The following PPP2R1A variants were observed in gnomAD, a reference collection of about 807,000 sequenced individuals.
The protein encoded by PPP2R1A is protein phosphatase 2 scaffold subunit Aalpha.
PPP2R1A carries 15 observed loss-of-function variants against 67.1 expected under a neutral mutation model. The observed-to-expected ratio is 0.22, with a 90% CI of 0.15 to 0.34. The LOEUF (loss-of-function observed/expected upper bound fraction) is 0.34, where lower values mean the gene tolerates loss of function less well. Ranked by LOEUF, PPP2R1A falls within the 10% of genes least tolerant of loss-of-function variation. The probability of loss-of-function intolerance (pLI) is 1.00; values close to 1 mark genes in which losing one functional copy is unlikely to be tolerated. For synonymous variants in PPP2R1A, 337 were observed against 325.0 expected (o/e 1.04, Z -0.40); for missense variants, 369 against 775.0 (o/e 0.48, Z 6.22).
In PPP2R1A at chr19:52,225,827, G is replaced by A. The variant is rs549622974; in HGVS notation, c.1753+19G>A. The A allele has an allele frequency of 4.3e-6, 7 of 1,612,896 alleles. No individual in the cohort carries two copies. Among genetic ancestry groups the A allele is most frequent in the East Asian group, 2.2e-5 (1 of 44,868 alleles). On this transcript the variant is annotated intron_variant, in intron 14 of 14. Transcript: ENST00000322088. ...CTGACTGGTAAGACCTAGAAAGCAC[G>A]GAGCCCTAGCAGGAGGGTGGACTTT...
chr19:52,211,313 A>G lies in PPP2R1A; in HGVS notation c.324A>G (p.Ala108=), dbSNP rs2089667586. 6.8e-6 allele frequency: 11 copies of G among 1,613,562 alleles called. No homozygotes were observed. The highest frequency in any genetic ancestry group is 9.3e-6 in the Non-Finnish European group (11 of 1,179,938). Residue 108 remains alanine (A), a synonymous_variant, in exon 4 of 15, where the codon GCA becomes GCG. Transcript: ENST00000322088. This position sits in a 1 kb window ranked among gnomAD's most constrained non-coding sequence, Gnocchi z 5.3. ...TVEETVVRDK[A]VESLRAISHE... ...AGGAGACAGTGGTGCGGGACAAGGC[A>G]GTGGAGTCCTTACGGGCCATCTCAC...
At chr19:52,200,756 G>T (rs2089538965) in intron 1 of PPP2R1A, among the ~76,000 whole-genome samples, 1 of 152,202 alleles carries the variant, frequency 6.6e-6, no homozygotes. Flanking sequence ...GTGTTCCTGG[G>T]CTTGTGGATG....
rs1473682176 is a variant in PPP2R1A at position 52,226,038 on chromosome 19, C to A, written c.*57C>A. ...TGTCCACCCTCCAACCCCCACAAGT[C>A]CCTCTTTGGGGAGACACTGGGGGGC... is the stretch of plus-strand genomic sequence containing the variant. On this transcript the variant is annotated 3_prime_UTR_variant, in exon 15 of 15. Coordinates refer to ENST00000322088, the MANE Select transcript of PPP2R1A (RefSeq NM_014225.6). 1 of 1,612,738 alleles carries A rather than the reference C, an allele frequency of 6.2e-7. No individual in the cohort carries two copies. Among genetic ancestry groups the A allele is most frequent in the Admixed American group, 1.7e-5 (1 of 60,006 alleles).
chr19:52,190,225 C>T (rs1214723113), intron 1 of PPP2R1A, 51 bp downstream of exon 1: 3 of 1,530,368 alleles, frequency 2.0e-6, no homozygotes, highest in Admixed American at 2.1e-5. Flanking sequence ...TACCTGGGGG[C>T]ACGGGCGGCC....
At position 52,194,696 on chromosome 19, in the gene PPP2R1A, C is replaced by T. The variant is rs547796930; in HGVS notation, c.78+4522C>T. On this transcript the variant is annotated intron_variant, in intron 1 of 14. Coordinates refer to ENST00000322088, the MANE Select transcript of PPP2R1A (RefSeq NM_014225.6). ...TTGAACCCCCGCTCTGCCAGTTGTG[C>T]TCTCTGTGTGCCCCTGGAGCAGTAC... 1.9e-4 allele frequency among the ~76,000 whole-genome samples: 29 copies of T among 152,270 alleles called. No homozygotes were observed. In the South Asian group the frequency reaches 5.4e-3, roughly 28 times the overall value.
intron 1 of PPP2R1A, among the ~76,000 whole-genome samples, chr19:52,194,724 TC>T (rs1730586784): frequency 6.6e-6 from 1 of 152,116 alleles, no homozygotes; most frequent in Non-Finnish European, 1.5e-5. Context: ...AGCAGTACTT[TC>T]CCCTCTTTGG....
chr19:52,204,536 A>G (rs934143605), intron 2 of PPP2R1A, among the ~76,000 whole-genome samples: 1 of 152,176 alleles, frequency 6.6e-6, no homozygotes, highest in Admixed American at 6.5e-5. Context: ...TGGAAAGACA[A>G]GGTGCTGGCA....
At chr19:52,194,530 TGTTGA>T (rs1232027500) in intron 1 of PPP2R1A, among the ~76,000 whole-genome samples, 2 of 151,980 alleles carry the variant, frequency 1.3e-5, no homozygotes, top group African/African-American at 4.8e-5. Flanking sequence ...GGTTGGGCCC[TGTTGA>T]GGTGCCATTA....
In PPP2R1A at chr19:52,216,450, T is replaced by C; in HGVS notation, c.994-79T>C. 6.4e-7 allele frequency: 1 copy of C among 1,552,236 alleles called. No individual in the cohort carries two copies. Among genetic ancestry groups the C allele is most frequent in the Non-Finnish European group, 8.8e-7 (1 of 1,130,712 alleles). On this transcript the variant is annotated intron_variant, in intron 8 of 14. Transcript: ENST00000322088. The surrounding 1 kb of genome is among the most constrained non-coding windows in gnomAD (Gnocchi z 4.3). ...AGGGGCAGAAGCAGGTTATTGTCTC[T>C]TAGGAGTTGGCATCTGCTTAGCCAC...
In PPP2R1A at chr19:52,213,946, G is replaced by A. The variant is rs142018437; in HGVS notation, c.807+836G>A. On this transcript the variant is annotated intron_variant, in intron 6 of 14. Transcript: ENST00000322088. The surrounding 1 kb of genome is among the most constrained non-coding windows in gnomAD (Gnocchi z 4.2). ...TGAGCACCAGCTATTTGCTGGGCCAGTGAATTCGGATCATTCCTGGCCTTC... is the reference window on the plus strand; with the variant it reads ...TGAGCACCAGCTATTTGCTGGGCCAATGAATTCGGATCATTCCTGGCCTTC... Among the ~76,000 whole-genome samples, 14 of 152,298 alleles carry A rather than the reference G, an allele frequency of 9.2e-5. No individual in the cohort carries two copies. The East Asian group carries it at 2.1e-3, about 23-fold the overall frequency.
At chr19:52,193,112 T>A (rs1483057874) in intron 1 of PPP2R1A, among the ~76,000 whole-genome samples, 1 of 152,202 alleles carries the variant, frequency 6.6e-6, no homozygotes, top group African/African-American at 2.4e-5. Flanking sequence ...ACAATCACTC[T>A]TTGAAGTAGG....
chr19:52,197,841 CT>C (rs1388870684), intron 1 of PPP2R1A, among the ~76,000 whole-genome samples: 1 of 152,130 alleles, frequency 6.6e-6, no homozygotes, highest in Non-Finnish European at 1.5e-5. Flanking sequence ...ACGGGGGATT[CT>C]GTATTTCCCT....
chr19:52,206,127 T>A (rs1472309244), intron 3 of PPP2R1A, 64 bp downstream of exon 3: 1 of 1,448,468 alleles, frequency 6.9e-7, no homozygotes, highest in Non-Finnish European at 9.6e-7. Flanking sequence ...CCTGCCGGCC[T>A]AGGGCAGGGA....
At chr19:52,214,753 G>T (rs1234825179) in intron 6 of PPP2R1A, among the ~76,000 whole-genome samples, 2 of 149,748 alleles carry the variant, frequency 1.3e-5, no homozygotes, top group African/African-American at 4.9e-5. Context: ...TTAAGACAGA[G>T]TCTCAGTCTT....
chr19:52,192,007 A>G (rs1458143922), intron 1 of PPP2R1A, among the ~76,000 whole-genome samples: 1 of 151,890 alleles, frequency 6.6e-6, no homozygotes, highest in African/African-American at 2.4e-5. Context: ...GGAGAGACAG[A>G]CAATAAACAG....
In PPP2R1A at chr19:52,212,800, C is replaced by A. The variant is rs918588960; in HGVS notation, c.618C>A (p.Ile206=). 6.2e-7 allele frequency: 1 copy of A among 1,610,768 alleles called. No homozygotes were observed. ...LELDNVKSEI[I]PMFSNLASDE... is the part of the protein sequence containing the mutation. ...TGGACAACGTCAAGAGTGAGATCATCCCCATGTTCTCCAACCTGGCCTCTG... is the reference window on the plus strand; with the variant it reads ...TGGACAACGTCAAGAGTGAGATCATACCCATGTTCTCCAACCTGGCCTCTG... Residue 206 remains isoleucine (I), a synonymous_variant, in exon 5 of 15, where the codon ATC becomes ATA. Transcript: ENST00000322088. The surrounding 1 kb of genome is among the most constrained non-coding windows in gnomAD (Gnocchi z 4.1).
chr19:52,197,145 C>T (rs932600976), intron 1 of PPP2R1A, among the ~76,000 whole-genome samples: 1 of 152,186 alleles, frequency 6.6e-6, no homozygotes, highest in African/African-American at 2.4e-5. Context: ...TTTCATTAAC[C>T]TTTAACTTAC....
rs760234617 is a variant in PPP2R1A at position 52,219,676 on chromosome 19, C to G, written c.1129-15C>G. Reference sequence around the variant, plus strand: ...TGCATTGCATTCTCTCAGAATCCTTCTTTCCTCTCCTCAGTGCCCTGAGGT... The same window carrying G: ...TGCATTGCATTCTCTCAGAATCCTTGTTTCCTCTCCTCAGTGCCCTGAGGT... On this transcript the variant is annotated splice_polypyrimidine_tract_variant and intron_variant, in intron 9 of 14. Transcript: ENST00000322088. The surrounding 1 kb of genome is among the most constrained non-coding windows in gnomAD (Gnocchi z 4.0). 41 of 1,601,338 alleles carry G rather than the reference C, an allele frequency of 2.6e-5. No homozygotes were observed. Among genetic ancestry groups the G allele is most frequent in the Non-Finnish European group, 3.5e-5 (41 of 1,170,770 alleles).
intron 12 of PPP2R1A, 79 bp from the exon 13 acceptor site, chr19:52,222,020 T>G: frequency 7.1e-7 from 1 of 1,410,946 alleles, no homozygotes; most frequent in Non-Finnish European, 9.6e-7. Context: ...ATCACCAGAG[T>G]GGCCTGGTCA....
Sources: gnomAD v4.1 joint callset for allele counts (sites outside exome capture counted in the v4.1 genomes callset) on GRCh38, gnomAD v4.1.1 for gene constraint, Gnocchi (gnomAD v3.1) non-coding constraint, MANE v1.5 for transcripts, NCBI Gene and HGNC (gene_info 2026-07-23, HGNC 2026-07-21) for gene names.